Variants in CSMD1 observed in about 807,000 individuals in gnomAD.
CSMD1 encodes the protein CUB and sushi domain-containing protein 1.
Under a neutral mutation model 417.5 loss-of-function variants are expected in CSMD1, and 213 were observed. The ratio of observed to expected loss-of-function variants is 0.51; its 90% CI spans 0.46 to 0.57. CSMD1 has a LOEUF of 0.57. CSMD1 is among the 20% of genes least tolerant of loss of function. The pLI, the probability that CSMD1 is intolerant of heterozygous loss-of-function variation, is 0.00. For synonymous variants in CSMD1, 2,862 were observed against 1,736.8 expected (o/e 1.65, Z -16.11); for missense variants, 6,923 against 4,529.7 (o/e 1.53, Z -15.17).
At chr8:3,756,970 T>C (rs1052660427) in intron 5 of CSMD1, among the ~76,000 whole-genome samples, 1 of 152,164 alleles carries the variant, frequency 6.6e-6, no homozygotes, top group African/African-American at 2.4e-5. Context: ...TTTTGTAATC[T>C]TTTAATTTTT....
chr8:4,925,345 C>G (rs1287440443), intron 1 of CSMD1, among the ~76,000 whole-genome samples: 1 of 144,676 alleles, frequency 6.9e-6, no homozygotes, highest in Non-Finnish European at 1.5e-5. Context: ...TGTGTTGTCA[C>G]ATGACTCCTG....
chr8:4,975,748 G>A (rs111642934), intron 1 of CSMD1, among the ~76,000 whole-genome samples: 3 of 152,264 alleles, frequency 2.0e-5, no homozygotes, highest in Admixed American at 6.5e-5. Context: ...TGAAGACACG[G>A]CCAACTGTTT....
At chr8:3,840,521 T>C (rs1385631980) in intron 5 of CSMD1, among the ~76,000 whole-genome samples, 1 of 152,062 alleles carries the variant, frequency 6.6e-6, no homozygotes, top group East Asian at 1.9e-4. Context: ...AACAAAACGG[T>C]AGAGGAAATG....
intron 3 of CSMD1, among the ~76,000 whole-genome samples, chr8:4,306,070 T>C (rs1798226535): frequency 6.6e-6 from 1 of 152,240 alleles, no homozygotes; most frequent in African/African-American, 2.4e-5. Flanking sequence ...TTTTGATTTA[T>C]GATTGTGAGA....
At chr8:3,138,445 T>A (rs1818236431) in intron 41 of CSMD1, among the ~76,000 whole-genome samples, 1 of 152,104 alleles carries the variant, frequency 6.6e-6, no homozygotes, top group Admixed American at 6.6e-5. Flanking sequence ...CCACCACACT[T>A]CATTTTGAAG....
chr8:4,573,850 G>A (rs2130667067), intron 2 of CSMD1, among the ~76,000 whole-genome samples: 1 of 152,284 alleles, frequency 6.6e-6, no homozygotes, highest in East Asian at 1.9e-4. Context: ...GAAGCAGTCT[G>A]GCTACAGTGG....
intron 1 of CSMD1, among the ~76,000 whole-genome samples, chr8:4,835,941 T>C (rs574519068): frequency 1.3e-5 from 2 of 152,136 alleles, no homozygotes; most frequent in Non-Finnish European, 2.9e-5. Flanking sequence ...AGGAGGGAAA[T>C]TTAATTTATA....
chr8:3,992,430 T>G (rs1025912084), intron 5 of CSMD1, among the ~76,000 whole-genome samples: 1 of 152,110 alleles, frequency 6.6e-6, no homozygotes, highest in Non-Finnish European at 1.5e-5. Flanking sequence ...CAAAAATAAG[T>G]GTTGAGGTGC....
chr8:4,377,144 T>C (rs546309109), intron 3 of CSMD1, among the ~76,000 whole-genome samples: 1 of 152,314 alleles, frequency 6.6e-6, no homozygotes, highest in Admixed American at 6.5e-5. Context: ...TTTTCATTTT[T>C]ATGTGTTTTA....
chr8:4,297,498 T>A (rs1270052527), intron 3 of CSMD1, among the ~76,000 whole-genome samples: 1 of 152,228 alleles, frequency 6.6e-6, no homozygotes, highest in Non-Finnish European at 1.5e-5. Context: ...CAAAGTTACA[T>A]TCAGGCCATT....
intron 10 of CSMD1, among the ~76,000 whole-genome samples, chr8:3,529,601 T>C (rs1797893395): frequency 6.6e-6 from 1 of 152,214 alleles, no homozygotes; most frequent in African/African-American, 2.4e-5. Context: ...GATGCACATC[T>C]TCTGACGCCT....
chr8:4,447,800 A>T (rs1315623970), intron 2 of CSMD1, among the ~76,000 whole-genome samples: 2 of 152,220 alleles, frequency 1.3e-5, no homozygotes, highest in Non-Finnish European at 2.9e-5. Flanking sequence ...AAAATAAACG[A>T]ACACAACTAA....
intron 7 of CSMD1, among the ~76,000 whole-genome samples, chr8:3,640,849 C>G (rs752746500): frequency 2.0e-5 from 3 of 151,810 alleles, no homozygotes; most frequent in Non-Finnish European, 2.9e-5. Context: ...AATCTTACCT[C>G]ACTACTTTTT....
intron 1 of CSMD1, among the ~76,000 whole-genome samples, chr8:4,641,641 C>G (rs1333002861): frequency 1.3e-5 from 2 of 152,172 alleles, no homozygotes; most frequent in Admixed American, 6.5e-5. Flanking sequence ...AGCCGTCCCA[C>G]CAAACCCAGT....
intron 5 of CSMD1, among the ~76,000 whole-genome samples, chr8:3,907,700 T>G (rs1808203438): frequency 1.3e-5 from 2 of 152,174 alleles, no homozygotes. Context: ...TGTGGACTTC[T>G]GTGGATTGCT....
At chr8:2,978,879 T>G in intron 54 of CSMD1, 79 bp from the exon 55 acceptor site, 16 of 1,166,274 alleles carry the variant, frequency 1.4e-5, no homozygotes, top group South Asian at 3.5e-5. Context: ...GAAGGCGAAT[T>G]CCTCATCATT....
At chr8:3,771,085 G>C (rs73658250) in intron 5 of CSMD1, among the ~76,000 whole-genome samples, 1 of 152,088 alleles carries the variant, frequency 6.6e-6, no homozygotes, top group African/African-American at 2.4e-5. Flanking sequence ...AGTCTTGGGG[G>C]TATTGTATTC....
chr8:4,184,694 G>A (rs546046083), intron 3 of CSMD1, among the ~76,000 whole-genome samples: 1 of 152,256 alleles, frequency 6.6e-6, no homozygotes, highest in South Asian at 2.1e-4. Context: ...AGACACCAGA[G>A]GTTGGAAGGT....
At chr8:3,345,186 C>T (rs1249545780) in intron 22 of CSMD1, among the ~76,000 whole-genome samples, 2 of 152,180 alleles carry the variant, frequency 1.3e-5, no homozygotes, top group East Asian at 1.9e-4. Flanking sequence ...TTCATCCGCT[C>T]TCCTGAATCT....
Sources: allele counts gnomAD v4.1 joint callset (sites outside exome capture counted in the v4.1 genomes callset), GRCh38; gene constraint gnomAD v4.1.1; transcripts MANE v1.5; gene names NCBI Gene and HGNC (gene_info 2026-07-23, HGNC 2026-07-21).